Variants in TRIM71 observed in about 807,000 individuals in gnomAD.
TRIM71 encodes E3 ubiquitin-protein ligase TRIM71.
In TRIM71, 9 loss-of-function variants were observed where a neutral mutation model predicts 61.2. The ratio of observed to expected loss-of-function variants is 0.15; its 90% CI spans 0.09 to 0.26. TRIM71 has a LOEUF of 0.26. TRIM71 is among the 10% of genes least tolerant of loss of function. The pLI is 1.00. For synonymous variants in TRIM71, 645 were observed against 553.2 expected (o/e 1.17, Z -2.33); for missense variants, 998 against 1,238.7 (o/e 0.81, Z 2.92).
intron 1 of TRIM71, among the ~76,000 whole-genome samples, chr3:32,821,432 G>T (rs1211061348): frequency 6.6e-6 from 1 of 151,896 alleles, no homozygotes; most frequent in East Asian, 1.9e-4. Context: ...AGCCTGCAGG[G>T]TCTCTCGCCC....
chr3:32,840,523 C>T (rs776705960), intron 1 of TRIM71, among the ~76,000 whole-genome samples: 24 of 152,128 alleles, frequency 1.6e-4, no homozygotes, highest in Non-Finnish European at 2.8e-4. Flanking sequence ...CCGAAATTGC[C>T]TTCTGTGTTT....
At position 32,895,335 on chromosome 3, in the gene TRIM71, C is replaced by G. The variant is rs1697066949; in HGVS notation, c.*3524C>G. On this transcript the variant is annotated 3_prime_UTR_variant, in exon 4 of 4. Coordinates refer to ENST00000383763, the MANE Select transcript of TRIM71 (RefSeq NM_001039111.3). ...ACCGAATCCAAATTACGTGTTGGGC[C>G]AAAAATGTTGCCAGAACTGAGGCAC... 6.6e-6 allele frequency: 1 copy of G among 152,062 alleles called. No homozygotes were observed. Among genetic ancestry groups the G allele is most frequent in the Non-Finnish European group, 1.5e-5 (1 of 68,012 alleles). The allele number at this position is 152,062 out of a possible 1,614,324, so 9.4% of individuals were successfully genotyped here.
chr3:32,861,097 C>T (rs1371516672), intron 1 of TRIM71, among the ~76,000 whole-genome samples: 4 of 151,718 alleles, frequency 2.6e-5, no homozygotes, highest in Non-Finnish European at 5.9e-5. Flanking sequence ...ATCGCTTGAT[C>T]CCGGGAGGCA....
intron 1 of TRIM71, 55 bp downstream of exon 1, chr3:32,818,987 A>G (rs1696097458): frequency 6.3e-7 from 1 of 1,580,482 alleles, no homozygotes. Context: ...TGTGTGCTCA[A>G]CAGCGTTTCC....
intron 3 of TRIM71, among the ~76,000 whole-genome samples, chr3:32,887,987 G>A (rs978882589): frequency 2.0e-5 from 3 of 152,168 alleles, no homozygotes; most frequent in African/African-American, 7.2e-5. Context: ...GGTCCTCTGT[G>A]AAAACTGTTT....
chr3:32,863,391 G>T (rs540410703), intron 1 of TRIM71, among the ~76,000 whole-genome samples: 48 of 151,678 alleles, frequency 3.2e-4, no homozygotes, highest in Non-Finnish European at 6.6e-4. Flanking sequence ...GTAGAGACAG[G>T]GTCTTTGTTG....
intron 2 of TRIM71, among the ~76,000 whole-genome samples, chr3:32,880,347 G>T (rs1247434488): frequency 6.6e-6 from 1 of 152,254 alleles, no homozygotes; most frequent in African/African-American, 2.4e-5. Flanking sequence ...TTATTTTTAA[G>T]ATCAGTTTGT....
intron 1 of TRIM71, among the ~76,000 whole-genome samples, chr3:32,871,316 G>A (rs973862189): frequency 2.6e-5 from 4 of 152,174 alleles, no homozygotes; most frequent in Admixed American, 1.3e-4. Context: ...CCCTTAGTCC[G>A]AAGGAAGCAG....
At position 32,890,880 on chromosome 3, in the gene TRIM71, A is replaced by C; in HGVS notation, c.1676A>C (p.Glu559Ala). Reference sequence around the variant, plus strand: ...AGTTACCGACCCCAGCTGGAGGGTGAGCACCTGGTATCTGTGACACTGTGC... The same window carrying C: ...AGTTACCGACCCCAGCTGGAGGGTGCGCACCTGGTATCTGTGACACTGTGC... ...VVSYRPQLEGEHLVSVTLCNQ... is the reference protein window; with the variant it reads ...VVSYRPQLEGAHLVSVTLCNQ... Residue 559 changes from glutamate to alanine, a missense_variant, in exon 4 of 4, where the codon GAG becomes GCG. Coordinates refer to ENST00000383763, the MANE Select transcript of TRIM71 (RefSeq NM_001039111.3). The surrounding 1 kb of genome is among the most constrained non-coding windows in gnomAD (Gnocchi z 6.2). 1 of 1,614,208 alleles carries C rather than the reference A, an allele frequency of 6.2e-7. No individual in the cohort carries two copies. The highest frequency in any genetic ancestry group is 8.5e-7 in the Non-Finnish European group (1 of 1,180,032).
At chr3:32,846,615 CT>C (rs1696477752) in intron 1 of TRIM71, among the ~76,000 whole-genome samples, 1 of 152,138 alleles carries the variant, frequency 6.6e-6, no homozygotes, top group Non-Finnish European at 1.5e-5. Context: ...CTAACTGAAA[CT>C]TTTAACCGAC....
chr3:32,831,609 G>T (rs1354779441), intron 1 of TRIM71, among the ~76,000 whole-genome samples: 2 of 146,326 alleles, frequency 1.4e-5, no homozygotes, highest in Non-Finnish European at 3.0e-5. Context: ...CGCGATCTCG[G>T]CTCTCTGCAA....
rs971393458 is a variant in TRIM71, at chr3:32,896,080, C to T, written c.*4269C>T. Reference sequence around the variant, plus strand: ...TCAAAAAGAATTATGCATACCATTACTGTTGTTCAGTATTATGAAACTACT... The same window carrying T: ...TCAAAAAGAATTATGCATACCATTATTGTTGTTCAGTATTATGAAACTACT... On this transcript the variant is annotated 3_prime_UTR_variant, in exon 4 of 4. Transcript: ENST00000383763. 4 of 152,212 alleles carry T rather than the reference C, an allele frequency of 2.6e-5. No homozygotes were observed. Among genetic ancestry groups the T allele is most frequent in the African/African-American group, 9.6e-5 (4 of 41,452 alleles). 9.4% of individuals were successfully genotyped at this position (152,212 alleles called of 1,614,324 possible). A position where few individuals can be genotyped will look rare whatever the true frequency, so the allele number is the denominator to read the frequency against.
At chr3:32,847,489 C>G (rs1045257447) in intron 1 of TRIM71, among the ~76,000 whole-genome samples, 1 of 152,194 alleles carries the variant, frequency 6.6e-6, no homozygotes, top group African/African-American at 2.4e-5. Flanking sequence ...GCCACCGCAC[C>G]CAGCCAGGGT....
intron 1 of TRIM71, among the ~76,000 whole-genome samples, chr3:32,857,429 T>G (rs1044593578): frequency 6.6e-5 from 10 of 152,284 alleles, no homozygotes; most frequent in African/African-American, 2.2e-4. Context: ...TAGCAAGCAA[T>G]TTTTTTCTAA....
chr3:32,856,424 C>A (rs1379624022), intron 1 of TRIM71, among the ~76,000 whole-genome samples: 1 of 151,984 alleles, frequency 6.6e-6, no homozygotes, highest in Non-Finnish European at 1.5e-5. Flanking sequence ...TCTGAGATTA[C>A]ATCTCAGCTG....
intron 1 of TRIM71, among the ~76,000 whole-genome samples, chr3:32,854,605 G>A (rs935851610): frequency 6.6e-6 from 1 of 152,186 alleles, no homozygotes; most frequent in Non-Finnish European, 1.5e-5. Flanking sequence ...ACTCAAGGAG[G>A]AAACAAGGCA....
intron 2 of TRIM71, among the ~76,000 whole-genome samples, chr3:32,879,845 G>A (rs1421977169): frequency 2.0e-5 from 3 of 151,700 alleles, no homozygotes; most frequent in East Asian, 2.0e-4. Context: ...CTCATGTTGC[G>A]TGTCTGTAGT....
intron 1 of TRIM71, among the ~76,000 whole-genome samples, chr3:32,845,113 CT>C (rs543105856): frequency 2.0e-5 from 3 of 152,180 alleles, no homozygotes; most frequent in Non-Finnish European, 4.4e-5. Flanking sequence ...CTAAATGGAG[CT>C]GAACAGGAGC....
At chr3:32,873,708 T>C (rs192211634) in intron 1 of TRIM71, 110 bp from the exon 2 acceptor site, 21 of 1,048,412 alleles carry the variant, frequency 2.0e-5, no homozygotes, top group Admixed American at 1.0e-4. Flanking sequence ...TGCTTGCTCA[T>C]TGGGGAAGCT....
Sources: allele counts gnomAD v4.1 joint callset (sites outside exome capture counted in the v4.1 genomes callset), GRCh38; gene constraint gnomAD v4.1.1; non-coding constraint Gnocchi (gnomAD v3.1); transcripts MANE v1.5; gene names NCBI Gene and HGNC (gene_info 2026-07-23, HGNC 2026-07-21).